TENM1: variants seen among roughly 807,000 people sequenced by gnomAD.
TENM1 encodes teneurin-1.
In TENM1, 35 loss-of-function variants were observed where a neutral mutation model predicts 174.8. The observed-to-expected ratio is 0.20, with a 90% CI of 0.15 to 0.27. The LOEUF (loss-of-function observed/expected upper bound fraction) is 0.27. TENM1 is among the 10% of genes least tolerant of loss of function. The pLI is 1.00. For synonymous variants in TENM1, 781 were observed against 798.7 expected, an observed-to-expected ratio of 0.98 and a Z score of 0.37; for missense variants, 1,633 against 2,130.1, an observed-to-expected ratio of 0.77 and a Z score of 4.59.
At chrX:125,166,999 G>A in the TENM1 span, among the ~76,000 whole-genome samples, 1,608 of 111,835 alleles carry the variant, frequency 0.014, 22 homozygotes, top group African/African-American at 0.049. Flanking sequence ...GATGCAGACA[G>A]TAAGGCTACA....
At chrX:125,045,217 T>G in the TENM1 span, among the ~76,000 whole-genome samples, 3 of 111,408 alleles carry the variant, frequency 2.7e-5, no homozygotes, top group Non-Finnish European at 5.7e-5. Flanking sequence ...CATGATCCAG[T>G]CACAGGTCTG....
chrX:124,522,975 G>A lies in TENM1; in HGVS notation c.3033+389C>T, dbSNP rs192113512. Among the ~76,000 whole-genome samples, 38 of 111,807 alleles carry A rather than the reference G, an allele frequency of 3.4e-4. No individual in the cohort carries two copies. In the East Asian group the frequency reaches 7.9e-3, roughly 23 times the overall value. On this transcript the variant is annotated intron_variant, in intron 17 of 31. Coordinates refer to ENST00000422452, the Ensembl canonical transcript of TENM1. ...AGTGCTGGGATTACAGGCATGAGCC[G>A]CCACGCCCAGCTCAAAAACTAAATT...
At chrX:124,410,352 C>A (rs1383329742) in intron 25 of TENM1, among the ~76,000 whole-genome samples, 2 of 112,204 alleles carry the variant, frequency 1.8e-5, no homozygotes, top group Non-Finnish European at 3.8e-5. Flanking sequence ...TTCCTTACAT[C>A]TTACACAAAA....
the TENM1 span, among the ~76,000 whole-genome samples, chrX:125,131,763 T>C: frequency 2.7e-5 from 3 of 112,200 alleles, no homozygotes; most frequent in Non-Finnish European, 3.8e-5. Context: ...TATAAGAAGC[T>C]AGCTTTCTTG....
the TENM1 span, among the ~76,000 whole-genome samples, chrX:125,186,275 G>C: frequency 2.7e-5 from 3 of 112,021 alleles, no homozygotes; most frequent in Admixed American, 9.4e-5. Flanking sequence ...TATGTGGTTA[G>C]TGGCAGAGCC....
chrX:124,668,830 C>T (rs1236297826), intron 6 of TENM1, among the ~76,000 whole-genome samples: 1 of 111,570 alleles, frequency 9.0e-6, no homozygotes, highest in East Asian at 2.8e-4. Context: ...GCACATGTAC[C>T]CTAGAACTTA....
chrX:124,894,361 G>A lies in TENM1; in HGVS notation c.479-9C>T, dbSNP rs760707114. On this transcript the variant is annotated splice_polypyrimidine_tract_variant and intron_variant, in intron 2 of 31. Transcript: ENST00000422452. ...AGGAGAGAATTTGAAACCTGTAACA[G>A]TAAACATTTCACTAGTTAAGCCTTG... The A allele has an allele frequency of 2.5e-6, 3 of 1,178,127 alleles. No individual in the cohort carries two copies. Among genetic ancestry groups the A allele is most frequent in the South Asian group, 1.9e-5 (1 of 53,306 alleles).
At chrX:124,723,835 G>T (rs2053383037) in intron 4 of TENM1, among the ~76,000 whole-genome samples, 1 of 110,574 alleles carries the variant, frequency 9.0e-6, no homozygotes, top group Admixed American at 9.6e-5. Context: ...TCTTGACCTT[G>T]TGATCCGCCC....
intron 3 of TENM1, among the ~76,000 whole-genome samples, chrX:124,769,657 A>G (rs932210040): frequency 1.8e-5 from 2 of 112,435 alleles, no homozygotes; most frequent in Non-Finnish European, 3.8e-5. Context: ...ATGATACTTT[A>G]GTAAATATTT....
At chrX:125,093,666 A>G in the TENM1 span, among the ~76,000 whole-genome samples, 1 of 112,047 alleles carries the variant, frequency 8.9e-6, no homozygotes, top group African/African-American at 3.2e-5. Flanking sequence ...GATCAAGGTC[A>G]CAAAGCCTGG....
At chrX:124,673,505 T>C (rs1262792263) in intron 5 of TENM1, among the ~76,000 whole-genome samples, 1 of 111,185 alleles carries the variant, frequency 9.0e-6, no homozygotes, top group Non-Finnish European at 1.9e-5. Flanking sequence ...ATAAATCCAG[T>C]AGTAGTATGG....
intron 19 of TENM1, among the ~76,000 whole-genome samples, chrX:124,502,111 T>C (rs939314906): frequency 8.0e-5 from 9 of 112,263 alleles, no homozygotes; most frequent in African/African-American, 2.9e-4. Context: ...TTGGTGATGG[T>C]TGCACAACTA....
chrX:124,518,792 A>G (rs1479355805), intron 18 of TENM1, among the ~76,000 whole-genome samples: 1 of 111,523 alleles, frequency 9.0e-6, no homozygotes, highest in East Asian at 2.8e-4. Context: ...GAACCCGGGG[A>G]AGGAGTCTGG....
chrX:125,180,914 C>T, the TENM1 span, among the ~76,000 whole-genome samples: 10 of 111,487 alleles, frequency 9.0e-5, no homozygotes, highest in Admixed American at 4.8e-4. Context: ...TACCAAATTA[C>T]CATTCCCTAT....
At chrX:125,191,957 G>A in the TENM1 span, among the ~76,000 whole-genome samples, 1 of 108,830 alleles carries the variant, frequency 9.2e-6, no homozygotes, top group Non-Finnish European at 1.9e-5. Flanking sequence ...TTGTTTTTTG[G>A]CCCTTTCAAC....
the TENM1 span, among the ~76,000 whole-genome samples, chrX:125,197,968 G>A: frequency 9.0e-5 from 10 of 111,676 alleles, no homozygotes; most frequent in Admixed American, 1.9e-4. Flanking sequence ...GACTTTAGCC[G>A]GTATTGCAAA....
intron 3 of TENM1, among the ~76,000 whole-genome samples, chrX:124,881,360 A>G (rs2057298346): frequency 1.8e-5 from 2 of 110,659 alleles, no homozygotes; most frequent in South Asian, 7.6e-4. Flanking sequence ...CATTTCTATG[A>G]TATCAGTTTT....
the TENM1 span, among the ~76,000 whole-genome samples, chrX:125,160,347 A>C: frequency 9.5e-6 from 1 of 105,606 alleles, no homozygotes; most frequent in Non-Finnish European, 2.0e-5. Flanking sequence ...AACATGGTGA[A>C]ACCCCATCTC....
At chrX:124,387,194 A>G (rs917993723) in intron 28 of TENM1, among the ~76,000 whole-genome samples, 37 of 109,562 alleles carry the variant, frequency 3.4e-4, no homozygotes, top group African/African-American at 1.2e-3. Flanking sequence ...ATTAAAACTG[A>G]ATGATTCTCT....
Sources: allele counts gnomAD v4.1 joint callset (sites outside exome capture counted in the v4.1 genomes callset), GRCh38; gene constraint gnomAD v4.1.1; transcripts MANE v1.5; gene names NCBI Gene and HGNC (gene_info 2026-07-23, HGNC 2026-07-21).